The following MCF2L2 variants were observed in gnomAD, a reference collection of about 807,000 sequenced individuals.
MCF2L2 encodes the protein MCF.2 cell line derived transforming sequence-like 2, also known as probable guanine nucleotide exchange factor MCF2L2.
Under a neutral mutation model 150.2 loss-of-function variants are expected in MCF2L2, and 102 were observed. The observed-to-expected ratio is 0.68, with a 90% CI of 0.58 to 0.80. MCF2L2 has a LOEUF of 0.80. Among genes scored for constraint, MCF2L2 ranks in the 30% least tolerant of loss-of-function variants. The probability of loss-of-function intolerance (pLI) is 0.00; values close to 1 mark genes in which losing one functional copy is unlikely to be tolerated. For missense variants in MCF2L2, 1,256 were observed against 1,372.8 expected (o/e 0.91, Z 1.34); for synonymous variants, 465 against 491.3 (o/e 0.95, Z 0.71).
At position 183,428,054 on chromosome 3, in the gene MCF2L2, G is replaced by T; in HGVS notation, c.-77C>A. 2 of 1,121,038 alleles carry T rather than the reference G, an allele frequency of 1.8e-6. No individual in the cohort carries two copies. The highest frequency in any genetic ancestry group is 2.7e-6 in the Non-Finnish European group (2 of 740,136). The allele number at this position is 1,121,038 out of a possible 1,614,324, so 69.4% of individuals were successfully genotyped here. ...CGCTGCGGTGGATGATTTTTTAAAG[G>T]CATCTCCGCCCAAGGATGCTCTGCC... On this transcript the variant is annotated 5_prime_UTR_variant, in exon 1 of 30. Coordinates refer to ENST00000328913, the MANE Select transcript of MCF2L2 (RefSeq NM_015078.4). This position sits in a 1 kb window ranked among gnomAD's most constrained non-coding sequence, Gnocchi z 5.1.
At position 183,305,312 on chromosome 3, in the gene MCF2L2, G is replaced by C. The variant is rs1282759462; in HGVS notation, c.1113+4404C>G. Among the ~76,000 whole-genome samples the C allele has an allele frequency of 2.0e-5, 3 of 151,874 alleles. No individual in the cohort carries two copies. Among genetic ancestry groups the C allele is most frequent in the Admixed American group, 2.0e-4 (3 of 15,254 alleles). On this transcript the variant is annotated intron_variant, in intron 10 of 29. Transcript: ENST00000328913. The surrounding 1 kb of genome is among the most constrained non-coding windows in gnomAD (Gnocchi z 4.1). Reference sequence around the variant, plus strand: ...TAGAAACATGAGACTTGGCATGAAAGTCTCTGTTGACACTTTTTTTTTTTT... The same window carrying C: ...TAGAAACATGAGACTTGGCATGAAACTCTCTGTTGACACTTTTTTTTTTTT...
chr3:183,426,470 TCTTA>T (rs1323538620), intron 1 of MCF2L2, among the ~76,000 whole-genome samples: 3 of 152,226 alleles, frequency 2.0e-5, no homozygotes, highest in African/African-American at 4.8e-5. Flanking sequence ...ACCCAAATTA[TCTTA>T]CTTATCTTCA....
chr3:183,269,877 A>C, intron 15 of MCF2L2: 1 of 1,613,918 alleles, frequency 6.2e-7, no homozygotes, highest in Non-Finnish European at 8.5e-7. Context: ...TTTTTTAGCG[A>C]GCCTCATGTT....
chr3:183,391,041 A>G (rs77330108), intron 1 of MCF2L2, among the ~76,000 whole-genome samples: 9,298 of 152,274 alleles, frequency 0.061, 342 homozygotes, highest in East Asian at 0.13. Context: ...CTACTGATTC[A>G]TTATGGGGTC....
intron 20 of MCF2L2, 94 bp downstream of exon 20, chr3:183,223,252 A>T: frequency 1.1e-6 from 1 of 893,804 alleles, no homozygotes; most frequent in Non-Finnish European, 1.8e-6. Context: ...GCCTTAGAAG[A>T]CCAAGGCACA....
At chr3:183,414,037 C>T (rs1215509417) in intron 1 of MCF2L2, among the ~76,000 whole-genome samples, 1 of 152,122 alleles carries the variant, frequency 6.6e-6, no homozygotes, top group East Asian at 1.9e-4. Context: ...CTATAGTTTG[C>T]TTTCCTGTTG....
chr3:183,357,419 A>T (rs1711853396), intron 3 of MCF2L2, among the ~76,000 whole-genome samples: 1 of 152,162 alleles, frequency 6.6e-6, no homozygotes, highest in Non-Finnish European at 1.5e-5. Flanking sequence ...AACAAAACAA[A>T]AAGAGTCCAC....
chr3:183,325,286 A>T (rs1260915524), intron 5 of MCF2L2, among the ~76,000 whole-genome samples: 1 of 152,138 alleles, frequency 6.6e-6, no homozygotes, highest in Admixed American at 6.6e-5. Flanking sequence ...AAGAAAAAAA[A>T]GTGCCAGGTA....
chr3:183,190,195 C>T (rs1576908508), intron 27 of MCF2L2, among the ~76,000 whole-genome samples: 1 of 152,202 alleles, frequency 6.6e-6, no homozygotes, highest in Non-Finnish European at 1.5e-5. Flanking sequence ...AGAGACATTG[C>T]ACCAGCTGGT....
At chr3:183,342,031 G>A (rs1235805118) in intron 3 of MCF2L2, among the ~76,000 whole-genome samples, 2 of 152,192 alleles carry the variant, frequency 1.3e-5, no homozygotes, top group African/African-American at 4.8e-5. Context: ...CAGCTATGAG[G>A]CTCTAGAGCA....
At chr3:183,218,694 C>G (rs1272616995) in intron 21 of MCF2L2, among the ~76,000 whole-genome samples, 2 of 152,086 alleles carry the variant, frequency 1.3e-5, no homozygotes, top group Non-Finnish European at 2.9e-5. Context: ...GCATCTTCCT[C>G]CTTACCAAAC....
chr3:183,204,347 G>A lies in MCF2L2; in HGVS notation c.2884+1529C>T, dbSNP rs142700026. ...ATGAGTTAACTGACATTTCTACAAA[G>A]AAGATATACCAATGGCCAATATGCA... On this transcript the variant is annotated intron_variant, in intron 25 of 29. Coordinates refer to ENST00000328913, the MANE Select transcript of MCF2L2 (RefSeq NM_015078.4). 2.6e-5 allele frequency among the ~76,000 whole-genome samples: 4 copies of A among 152,056 alleles called. No individual in the cohort carries two copies. In the East Asian group the frequency reaches 7.7e-4, roughly 29 times the overall value.
intron 3 of MCF2L2, among the ~76,000 whole-genome samples, chr3:183,365,594 C>T (rs1301537278): frequency 1.3e-5 from 2 of 152,180 alleles, no homozygotes; most frequent in African/African-American, 4.8e-5. Context: ...TGGATCTATA[C>T]TTCATACCAA....
chr3:183,351,190 GTATATATATATATATATATATATATA>G lies in MCF2L2; in HGVS notation c.276-9586_276-9561del, dbSNP rs60311053. The stretch of plus-strand genomic sequence containing the variant: ...GTGTGTGTGATATTTATTTTCTTAA[GTATATATATATATATATATATATATA>G]TATATATATATATATATATATTTAT... On this transcript the variant is annotated intron_variant, in intron 3 of 29. Coordinates refer to ENST00000328913, the MANE Select transcript of MCF2L2 (RefSeq NM_015078.4). 1.5e-3 allele frequency among the ~76,000 whole-genome samples: 60 copies of G among 38,844 alleles called. 2 individuals are homozygous for G. Among genetic ancestry groups the G allele is most frequent in the Admixed American group, 2.9e-3 (8 of 2,750 alleles). The allele number at this position is 38,844 out of a possible 152,430, so 25.5% of individuals were successfully genotyped here. A position where few individuals can be genotyped will look rare whatever the true frequency, so the allele number is the denominator to read the frequency against.
At position 183,244,782 on chromosome 3, in the gene MCF2L2, A is replaced by C. The variant is rs529745072; in HGVS notation, c.1863-13765T>G. On this transcript the variant is annotated intron_variant, in intron 15 of 29. Transcript: ENST00000328913. ...CAGGAAACAGTTCAAATAGAGGCCC[A>C]GGGCTCTGAAACATTGCCCAAGGTC... 2.7e-4 allele frequency among the ~76,000 whole-genome samples: 41 copies of C among 152,158 alleles called. 1 individual carries two copies. The highest frequency in any genetic ancestry group is 9.9e-4 in the African/African-American group (41 of 41,524).
At chr3:183,209,680 G>C (rs990914263) in intron 22 of MCF2L2, among the ~76,000 whole-genome samples, 2 of 151,992 alleles carry the variant, frequency 1.3e-5, no homozygotes, top group Non-Finnish European at 2.9e-5. Flanking sequence ...GTAGAGCCAG[G>C]GTTTCAGCAT....
chr3:183,270,517 C>G lies in MCF2L2; in HGVS notation c.1862+6355G>C. Reference sequence around the variant, plus strand: ...GATAAAAGCAGCAAATACTACGTGTCCTATGAAATGTACCAGTGGCCAGCT... The same window carrying G: ...GATAAAAGCAGCAAATACTACGTGTGCTATGAAATGTACCAGTGGCCAGCT... On this transcript the variant is annotated intron_variant, in intron 15 of 29. Transcript: ENST00000328913. This position sits in a 1 kb window ranked among gnomAD's most constrained non-coding sequence, Gnocchi z 4.5. 6.2e-7 allele frequency: 1 copy of G among 1,614,146 alleles called. No individual in the cohort carries two copies. The highest frequency in any genetic ancestry group is 8.5e-7 in the Non-Finnish European group (1 of 1,180,014).
chr3:183,234,305 A>G (rs1166618637), intron 15 of MCF2L2, among the ~76,000 whole-genome samples: 3 of 152,234 alleles, frequency 2.0e-5, no homozygotes, highest in African/African-American at 7.2e-5. Context: ...AATAACCAGG[A>G]GGTGGACAGA....
intron 3 of MCF2L2, among the ~76,000 whole-genome samples, chr3:183,359,003 G>T (rs988470038): frequency 4.2e-5 from 6 of 143,406 alleles, no homozygotes; most frequent in Admixed American, 7.0e-5. Flanking sequence ...AGTTCATTGG[G>T]TTTTTTTTTT....
Sources: allele counts gnomAD v4.1 joint callset (sites outside exome capture counted in the v4.1 genomes callset), GRCh38; gene constraint gnomAD v4.1.1; non-coding constraint Gnocchi (gnomAD v3.1); transcripts MANE v1.5; gene names NCBI Gene and HGNC (gene_info 2026-07-23, HGNC 2026-07-21).